The following GAS2L3 variants were observed in gnomAD, a reference collection of about 807,000 sequenced individuals.
GAS2L3 encodes the protein growth arrest specific 2 like 3, also known as GAS2-like protein 3.
A neutral mutation model predicts 37.0 loss-of-function variants in GAS2L3; 28 were observed. The ratio of observed to expected loss-of-function variants is 0.76; its 90% CI spans 0.56 to 1.04. GAS2L3 has a LOEUF of 1.04. GAS2L3 is among the 50% of genes least tolerant of loss of function. The probability of loss-of-function intolerance (pLI) is 0.00; values close to 1 mark genes in which losing one functional copy is unlikely to be tolerated. For synonymous variants in GAS2L3, 290 were observed against 296.6 expected, an observed-to-expected ratio of 0.98 and a Z score of 0.23; for missense variants, 793 against 817.6, an observed-to-expected ratio of 0.97 and a Z score of 0.37.
rs754346997 is a variant in GAS2L3, at chr12:100,577,258, A to T, written c.-152+3473A>T. ...TGAATGTCCCATTAGTTATTTGAGC[A>T]GTTCCCTGTTAATGGATAGTTAGAT... On this transcript the variant is annotated intron_variant, in intron 1 of 9. Transcript: ENST00000547754. Among the ~76,000 whole-genome samples, 15 of 152,194 alleles carry T rather than the reference A, an allele frequency of 9.9e-5. 1 individual carries two copies. The highest frequency in any genetic ancestry group is 2.0e-4 in the Admixed American group (3 of 15,288).
intron 6 of GAS2L3, 55 bp from the exon 7 acceptor site, chr12:100,617,689 A>G: frequency 1.9e-6 from 2 of 1,048,702 alleles, no homozygotes; most frequent in Non-Finnish European, 1.5e-6. Context: ...CATGCCAGAA[A>G]TATGTTTCCA....
intron 5 of GAS2L3, among the ~76,000 whole-genome samples, chr12:100,605,106 G>A (rs1321321398): frequency 6.6e-6 from 1 of 152,002 alleles, no homozygotes; most frequent in East Asian, 1.9e-4. Context: ...TGGCCTCATA[G>A]AATGAGTTTG....
chr12:100,606,165 C>T (rs370247486), intron 5 of GAS2L3, among the ~76,000 whole-genome samples: 204 of 151,912 alleles, frequency 1.3e-3, no homozygotes, highest in Middle Eastern at 3.4e-3. Context: ...TTTATCTGAG[C>T]GCTCTAGCAT....
At position 100,625,655 on chromosome 12, in the gene GAS2L3, G is replaced by A. The variant is rs1436215301; in HGVS notation, c.*765G>A. The A allele has an allele frequency of 3.9e-5, 6 of 152,160 alleles. No individual in the cohort carries two copies. The highest frequency in any genetic ancestry group is 3.9e-4 in the East Asian group (2 of 5,190). The allele number at this position is 152,160 out of a possible 1,614,324, so 9.4% of individuals were successfully genotyped here. On this transcript the variant is annotated 3_prime_UTR_variant, in exon 10 of 10. Transcript: ENST00000547754. ...GTAGACACCTTATGTTTCACATGTT[G>A]TGCAATGTGACAGGGGAAGCTGATT...
At chr12:100,575,801 A>G (rs1955629912) in intron 1 of GAS2L3, among the ~76,000 whole-genome samples, 1 of 152,092 alleles carries the variant, frequency 6.6e-6, no homozygotes, top group African/African-American at 2.4e-5. Flanking sequence ...TATAGGGGAC[A>G]AAACTGAAGC....
At chr12:100,604,471 G>GTT (rs1198803680) in intron 5 of GAS2L3, among the ~76,000 whole-genome samples, 15 of 99,170 alleles carry the variant, frequency 1.5e-4, no homozygotes, top group African/African-American at 6.0e-4. Context: ...ATCAGCTGTA[G>GTT]TTGTTTTTTT....
intron 6 of GAS2L3, among the ~76,000 whole-genome samples, chr12:100,616,836 T>C (rs1956193378): frequency 6.6e-6 from 1 of 152,162 alleles, no homozygotes; most frequent in African/African-American, 2.4e-5. Context: ...ATGCCATGGC[T>C]ACATCCTCCA....
At chr12:100,610,580 T>C (rs537012375) in intron 5 of GAS2L3, among the ~76,000 whole-genome samples, 169 of 152,030 alleles carry the variant, frequency 1.1e-3, no homozygotes, top group Non-Finnish European at 2.1e-3. Context: ...ACTCCTAACG[T>C]TATTTTAGTT....
At chr12:100,586,146 C>G (rs956263623) in intron 1 of GAS2L3, among the ~76,000 whole-genome samples, 1 of 152,198 alleles carries the variant, frequency 6.6e-6, no homozygotes, top group Non-Finnish European at 1.5e-5. Flanking sequence ...CAATAAACCA[C>G]TGACAACACT....
chr12:100,616,666 C>T (rs772701204), intron 6 of GAS2L3, among the ~76,000 whole-genome samples: 1 of 151,970 alleles, frequency 6.6e-6, no homozygotes, highest in Non-Finnish European at 1.5e-5. Context: ...CCAGGCTGGT[C>T]TCAAACTCCT....
intron 8 of GAS2L3, among the ~76,000 whole-genome samples, chr12:100,620,901 G>A (rs1279040778): frequency 6.6e-6 from 1 of 152,050 alleles, no homozygotes; most frequent in Non-Finnish European, 1.5e-5. Context: ...TGCACATGGT[G>A]TGTATGTTTG....
At chr12:100,600,646 C>G in intron 4 of GAS2L3, 96 bp downstream of exon 4, 1 of 956,358 alleles carries the variant, frequency 1.0e-6, no homozygotes, top group Middle Eastern at 2.2e-4. Context: ...GTTACAGATG[C>G]TGGGGATACT....
Position 100,623,857 on chromosome 12 carries a change from G to T in GAS2L3, c.1052G>T (p.Gly351Val), listed in dbSNP as rs768299997. 2 of 1,613,792 alleles carry T rather than the reference G, an allele frequency of 1.2e-6. No individual in the cohort carries two copies. Among genetic ancestry groups the T allele is most frequent in the African/African-American group, 2.7e-5 (2 of 74,872 alleles). The change falls in exon 10 of 10, where the codon GGT (glycine) becomes GTT (valine). Residue 351 changes from glycine to valine, a missense_variant. Coordinates refer to ENST00000547754, the MANE Select transcript of GAS2L3 (RefSeq NM_174942.3). ...AAAGAAAAACAGGGACGTCCACCAG[G>T]TGCATTGGTGCCAGCATCTTCACTG... is the stretch of plus-strand genomic sequence containing the variant. ...KSKEKQGRPP[G>V]ALVPASSLKG...
chr12:100,611,792 A>G (rs1182208743), intron 5 of GAS2L3, among the ~76,000 whole-genome samples: 1 of 152,138 alleles, frequency 6.6e-6, no homozygotes, highest in African/African-American at 2.4e-5. Flanking sequence ...CTAACAGGCC[A>G]CAGACCGGTA....
chr12:100,601,810 C>A, intron 5 of GAS2L3, 57 bp downstream of exon 5: 1 of 827,956 alleles, frequency 1.2e-6, no homozygotes, highest in South Asian at 1.8e-5. Context: ...AATTTATGTA[C>A]ACTTCTTATC....
chr12:100,610,400 G>T (rs548438921), intron 5 of GAS2L3, among the ~76,000 whole-genome samples: 1 of 152,266 alleles, frequency 6.6e-6, no homozygotes, highest in East Asian at 1.9e-4. Context: ...TCAAATTGAA[G>T]AATAGTTTAT....
In GAS2L3 at chr12:100,577,495, A is replaced by G. The variant is rs148253028; in HGVS notation, c.-152+3710A>G. Among the ~76,000 whole-genome samples, 44 of 152,362 alleles carry G rather than the reference A, an allele frequency of 2.9e-4. No homozygotes were observed. In the East Asian group the frequency reaches 8.3e-3, roughly 29 times the overall value. On this transcript the variant is annotated intron_variant, in intron 1 of 9. Transcript: ENST00000547754. ...CAAAAGGAAAATTTCAAATAAAAAA[A>G]GATTCTCAACAAAGTCTCTATATTT...
chr12:100,625,124 A>G lies in GAS2L3; in HGVS notation c.*234A>G, dbSNP rs1421114891. The G allele has an allele frequency of 5.4e-6, 2 of 368,744 alleles. No individual in the cohort carries two copies. The highest frequency in any genetic ancestry group is 2.0e-5 in the African/African-American group (1 of 48,954). 22.8% of individuals were successfully genotyped at this position (368,744 alleles called of 1,614,324 possible). ...TGCAAGGTTTTTATTAATAATAGAC[A>G]TGTATATGATTTTCAGTCTATAGCA... On this transcript the variant is annotated 3_prime_UTR_variant, in exon 10 of 10. Coordinates refer to ENST00000547754, the MANE Select transcript of GAS2L3 (RefSeq NM_174942.3).
In GAS2L3 at chr12:100,623,091, C is replaced by G. The variant is rs555296417; in HGVS notation, c.757-471C>G. On this transcript the variant is annotated intron_variant, in intron 9 of 9. Transcript: ENST00000547754. ...TTTTCTTCTATTTCACATATTATTA[C>G]CTCCTCAGCCCCACCTAGCTCATAC... Among the ~76,000 whole-genome samples the G allele has an allele frequency of 2.6e-5, 4 of 152,244 alleles. No homozygotes were observed. In the East Asian group the frequency reaches 7.7e-4, roughly 29 times the overall value.
Sources: gnomAD v4.1 joint callset for allele counts (sites outside exome capture counted in the v4.1 genomes callset) on GRCh38, gnomAD v4.1.1 for gene constraint, MANE v1.5 for transcripts, NCBI Gene and HGNC (gene_info 2026-07-23, HGNC 2026-07-21) for gene names.